Variants in GPD1 observed in about 807,000 individuals in gnomAD.
GPD1 encodes the protein glycerol-3-phosphate dehydrogenase [NAD(+)], cytoplasmic.
GPD1 carries 19 observed loss-of-function variants against 34.4 expected under a neutral mutation model. The observed-to-expected ratio is 0.55, with a 90% CI of 0.39 to 0.81. GPD1 has a LOEUF of 0.81. Among genes scored for constraint, GPD1 ranks in the 30% least tolerant of loss-of-function variants. The probability of loss-of-function intolerance (pLI) is 0.00; values close to 1 mark genes in which losing one functional copy is unlikely to be tolerated. For missense variants in GPD1, 429 were observed against 447.0 expected, an observed-to-expected ratio of 0.96 and a Z score of 0.36; for synonymous variants, 172 against 174.1, an observed-to-expected ratio of 0.99 and a Z score of 0.09.
At chr12:50,107,969 C>A (rs186637941) in intron 6 of GPD1, 55 bp from the exon 7 acceptor site, 20 of 1,194,476 alleles carry the variant, frequency 1.7e-5, no homozygotes, top group South Asian at 7.5e-5. Flanking sequence ...CTCTCCACCC[C>A]CTACTGACAA....
chr12:50,107,626 G>A lies in GPD1; in HGVS notation c.672G>A (p.Lys224=), dbSNP rs1386820820. 6.2e-7 allele frequency: 1 copy of A among 1,614,174 alleles called. No homozygotes were observed. The highest frequency in any genetic ancestry group is 8.5e-7 in the Non-Finnish European group (1 of 1,180,010). Residue 224 remains lysine (K), a synonymous_variant, in exon 6 of 8, where the codon AAG becomes AAA. Transcript: ENST00000301149. ...CDGLGFGDNT[K]AAVIRLGLME... ...GCCTGGGCTTTGGCGACAACACCAA[G>A]GCGGCAGTGATCCGGCTGGGACTCA...
Position 50,104,706 on chromosome 12 carries a change from T to C in GPD1, c.174T>C (p.His58=), listed in dbSNP as rs374575362. 45 of 1,610,220 alleles carry C rather than the reference T, an allele frequency of 2.8e-5. No individual in the cohort carries two copies. Among genetic ancestry groups the C allele is most frequent in the Admixed American group, 2.2e-4 (13 of 59,992 alleles). ...KKLTEIINTQ[H]ENVKYLPGHK... ...TGACTGAGATCATCAACACGCAGCATGAGAATGTCAAATACCTGCCAGGGC... is the reference window on the plus strand; with the variant it reads ...TGACTGAGATCATCAACACGCAGCACGAGAATGTCAAATACCTGCCAGGGC... Residue 58 remains histidine, a synonymous_variant, in exon 2 of 8, where the codon CAT becomes CAC. Coordinates refer to ENST00000301149, the MANE Select transcript of GPD1 (RefSeq NM_005276.4).
intron 2 of GPD1, 132 bp from the exon 3 acceptor site, chr12:50,105,416 T>C (rs921394536): frequency 3.8e-5 from 31 of 819,790 alleles, no homozygotes; most frequent in Non-Finnish European, 5.9e-5. Context: ...TCAGTCCTTC[T>C]AGATTCAGTC....
At chr12:50,106,993 C>A in intron 5 of GPD1, 76 bp downstream of exon 5, 1 of 830,796 alleles carries the variant, frequency 1.2e-6, no homozygotes, top group Non-Finnish European at 2.1e-6. Flanking sequence ...TGCAAGGCTG[C>A]AGGTACTCCA....
At position 50,109,460 on chromosome 12, in the gene GPD1, G is replaced by A. The variant is rs962948404; in HGVS notation, c.991G>A (p.Glu331Lys). Residue 331 changes from glutamate to lysine, a missense_variant, in exon 8 of 8, where the codon GAG (glutamate) becomes AAG (lysine). Physicochemically the swap from Glu to Lys is moderately conservative, Grantham distance 56. Coordinates refer to ENST00000301149, the MANE Select transcript of GPD1 (RefSeq NM_005276.4). ...CATGGCTGTGTACAAGGTGTGCTAC[G>A]AGGGCCAGCCAGTGGGTGAATTCAT... ...LFMAVYKVCYEGQPVGEFIHC... is the reference protein window; with the variant it reads ...LFMAVYKVCYKGQPVGEFIHC... 1.1e-5 allele frequency: 17 copies of A among 1,592,870 alleles called. No individual in the cohort carries two copies. The highest frequency in any genetic ancestry group is 1.4e-5 in the Non-Finnish European group (16 of 1,160,598).
At chr12:50,107,025 G>C (rs755805183) in intron 5 of GPD1, 108 bp downstream of exon 5, 1 of 746,636 alleles carries the variant, frequency 1.3e-6, no homozygotes, top group Non-Finnish European at 2.4e-6. Flanking sequence ...TTGAGCAGTG[G>C]TTCCCCTTTC....
At position 50,110,058 on chromosome 12, in the gene GPD1, TTTG is replaced by T. The variant is rs1421379720; in HGVS notation, c.*542_*544del. 3 of 152,816 alleles carry T rather than the reference TTTG, an allele frequency of 2.0e-5. No homozygotes were observed. The highest frequency in any genetic ancestry group is 2.0e-4 in the Admixed American group (3 of 15,302). 9.5% of individuals were successfully genotyped at this position (152,816 alleles called of 1,614,324 possible). ...CACACAGCTTCGATGGATCTCAGTG[TTTG>T]TTAACAAAATACAAAGATCTCAAAC... is the stretch of plus-strand genomic sequence containing the variant. On this transcript the variant is annotated 3_prime_UTR_variant, in exon 8 of 8. Transcript: ENST00000301149.
In GPD1 at chr12:50,109,417, A is replaced by G. The variant is rs751168052; in HGVS notation, c.954-6A>G. ...GCTAAGCTGAGCCTTTCCCTCTCCA[A>G]TCTAGGTTTCCCTTGTTCATGGCTG... On this transcript the variant is annotated splice_polypyrimidine_tract_variant and splice_region_variant and intron_variant, in intron 7 of 7. Coordinates refer to ENST00000301149, the MANE Select transcript of GPD1 (RefSeq NM_005276.4). 1.6e-5 allele frequency: 23 copies of G among 1,482,554 alleles called. 1 individual carries two copies. The South Asian group carries it at 1.9e-4, about 12-fold the overall frequency. The allele number at this position is 1,482,554 out of a possible 1,614,324, so 91.8% of individuals were successfully genotyped here.
At chr12:50,106,135 C>T (rs1950976458) in intron 3 of GPD1, 153 bp from the exon 4 acceptor site, 5 of 667,086 alleles carry the variant, frequency 7.5e-6, no homozygotes, top group African/African-American at 1.8e-5. Context: ...GCTGTCTGGC[C>T]TCCTCACAGC....
rs945410243 is a variant in GPD1, at chr12:50,104,976, C to T, written c.219+225C>T. 3.9e-5 allele frequency among the ~76,000 whole-genome samples: 6 copies of T among 152,332 alleles called. 1 individual carries two copies. Among genetic ancestry groups the T allele is most frequent in the Middle Eastern group, 3.4e-3 (1 of 294 alleles). ...GGTGGGTGGGGAAGGGATGGGAGAACAAGTTGGTCTCCATGGCAGCCAAAG... is the reference window on the plus strand; with the variant it reads ...GGTGGGTGGGGAAGGGATGGGAGAATAAGTTGGTCTCCATGGCAGCCAAAG... On this transcript the variant is annotated intron_variant, in intron 2 of 7. Transcript: ENST00000301149.
intron 2 of GPD1, 23 bp downstream of exon 2, chr12:50,104,774 G>C (rs1950967167): frequency 6.2e-7 from 1 of 1,602,328 alleles, no homozygotes; most frequent in Non-Finnish European, 8.5e-7. Context: ...ACCCTGCGAA[G>C]AACAGGGAGA....
Position 50,104,635 on chromosome 12 carries a change from C to G in GPD1, c.103C>G (p.Arg35Gly). 1 of 1,613,650 alleles carries G rather than the reference C, an allele frequency of 6.2e-7. No homozygotes were observed. Among genetic ancestry groups the G allele is most frequent in the Non-Finnish European group, 8.5e-7 (1 of 1,179,546 alleles). ...AGCCCAGCTGGCACAGTTTGACCCACGGGTGACCATGTGGGTATTTGAGGA... is the reference window on the plus strand; with the variant it reads ...AGCCCAGCTGGCACAGTTTGACCCAGGGGTGACCATGTGGGTATTTGAGGA... The part of the protein sequence containing the change: ...NAAQLAQFDP[R>G]VTMWVFEEDI... The change falls in exon 2 of 8, where the codon CGG (arginine) becomes GGG (glycine). Residue 35 changes from arginine to glycine, a missense_variant. Coordinates refer to ENST00000301149, the MANE Select transcript of GPD1 (RefSeq NM_005276.4).
At position 50,104,103 on chromosome 12, in the gene GPD1, T is replaced by C. The variant is rs759186599; in HGVS notation, c.41+12T>C. 1.2e-6 allele frequency: 2 copies of C among 1,613,264 alleles called. No homozygotes were observed. Among genetic ancestry groups the C allele is most frequent in the Non-Finnish European group, 1.7e-6 (2 of 1,179,230 alleles). ...GGCTCCGGGAACTGGTAAGCAGCTC[T>C]GTCAAGTGATATGGGGGAAGGGTAG... On this transcript the variant is annotated intron_variant, in intron 1 of 7. Coordinates refer to ENST00000301149, the MANE Select transcript of GPD1 (RefSeq NM_005276.4).
At chr12:50,104,312 CTA>C in intron 1 of GPD1, 2 of 703,146 alleles carry the variant, frequency 2.8e-6, no homozygotes, top group Admixed American at 4.1e-5. Context: ...CCAGAGCTCT[CTA>C]TGTGAAGAGC....
chr12:50,107,162 C>T (rs779951550), intron 5 of GPD1: 1 of 672,996 alleles, frequency 1.5e-6, no homozygotes, highest in Non-Finnish European at 2.7e-6. Context: ...GTGTGGGACT[C>T]CCCACCCTCT....
chr12:50,105,524 G>A (rs754553503), intron 2 of GPD1, 24 bp from the exon 3 acceptor site: 27 of 1,603,492 alleles, frequency 1.7e-5, no homozygotes, highest in East Asian at 1.3e-4. Context: ...TGCCAGGCCC[G>A]CGAGCACTTG....
chr12:50,106,566 C>T (rs1415129102), intron 4 of GPD1, 140 bp downstream of exon 4: 4 of 867,696 alleles, frequency 4.6e-6, no homozygotes, highest in Non-Finnish European at 7.2e-6. Context: ...GAGGCTGGGA[C>T]ACCCCCAGGG....
Position 50,104,698 on chromosome 12 carries a change from A to G in GPD1, c.166A>G (p.Thr56Ala). ...CAAAAAGCTGACTGAGATCATCAACACGCAGCATGAGAATGTCAAATACCT... is the reference window on the plus strand; with the variant it reads ...CAAAAAGCTGACTGAGATCATCAACGCGCAGCATGAGAATGTCAAATACCT... ...GGKKLTEIIN[T>A]QHENVKYLPG... Residue 56 changes from threonine to alanine, a missense_variant, in exon 2 of 8, where the codon ACG becomes GCG. Physicochemically the swap from Thr to Ala is moderately conservative, Grantham distance 58. Transcript: ENST00000301149. 1 of 1,614,184 alleles carries G rather than the reference A, an allele frequency of 6.2e-7. No homozygotes were observed. The highest frequency in any genetic ancestry group is 8.5e-7 in the Non-Finnish European group (1 of 1,180,002).
rs901433645 is a variant in GPD1, at chr12:50,108,278, C to T, written c.953+148C>T. 2.9e-5 allele frequency: 18 copies of T among 629,298 alleles called. No homozygotes were observed. In the African/African-American group the frequency reaches 3.3e-4, roughly 11 times the overall value. 39.0% of individuals were successfully genotyped at this position (629,298 alleles called of 1,614,324 possible). A position where few individuals can be genotyped will look rare whatever the true frequency, so the allele number is the denominator to read the frequency against. On this transcript the variant is annotated intron_variant, in intron 7 of 7. Coordinates refer to ENST00000301149, the MANE Select transcript of GPD1 (RefSeq NM_005276.4). ...CATTTCAGACAGAGTCCAGAGCTTG[C>T]AGAGTCTGGCATGCCCATTGTCCGC...
Sources: allele counts gnomAD v4.1 joint callset (sites outside exome capture counted in the v4.1 genomes callset), GRCh38; gene constraint gnomAD v4.1.1; transcripts MANE v1.5; gene names NCBI Gene and HGNC (gene_info 2026-07-23, HGNC 2026-07-21).